Variants in RYR2 observed in about 807,000 individuals in gnomAD.
The protein encoded by RYR2 is cardiac muscle ryanodine receptor-calcium release channel.
RYR2 carries 227 observed loss-of-function variants against 601.1 expected under a neutral mutation model. The observed-to-expected ratio is 0.38, with a 90% CI of 0.34 to 0.42. RYR2 has a LOEUF of 0.42. Among genes scored for constraint, RYR2 ranks in the 10% least tolerant of loss-of-function variants. RYR2 has a pLI of 1.00. For synonymous variants in RYR2, 2,223 were observed against 2,175.1 expected, an observed-to-expected ratio of 1.02 and a Z score of -0.61; for missense variants, 4,646 against 6,156.5, an observed-to-expected ratio of 0.75 and a Z score of 8.21.
At chr1:237,467,914 G>A (rs12401458) in intron 16 of RYR2, among the ~76,000 whole-genome samples, 71,984 of 148,440 alleles carry the variant, frequency 0.48, 18,463 homozygotes, top group East Asian at 0.64. Context: ...ACTGGAGTGC[G>A]GTGGCACGAT....
Position 237,755,380 on chromosome 1 carries a change from G to A in RYR2, c.11146-908G>A, listed in dbSNP as rs527781446. Among the ~76,000 whole-genome samples, 27 of 152,194 alleles carry A rather than the reference G, an allele frequency of 1.8e-4. No individual in the cohort carries two copies. The South Asian group carries it at 2.7e-3, about 15-fold the overall frequency. On this transcript the variant is annotated intron_variant, in intron 80 of 104. Transcript: ENST00000366574. ...CTCTTAGGTCATATATGTTTTGGCC[G>A]TTGTGTTTATGGACATGATACTAAT... is the stretch of plus-strand genomic sequence containing the variant.
At chr1:237,298,707 A>G (rs1393938875) in intron 2 of RYR2, among the ~76,000 whole-genome samples, 1 of 152,148 alleles carries the variant, frequency 6.6e-6, no homozygotes, top group Non-Finnish European at 1.5e-5. Flanking sequence ...ATATTTTTTT[A>G]AAGATTTATT....
At chr1:237,379,267 T>A (rs1395133094) in intron 8 of RYR2, among the ~76,000 whole-genome samples, 1 of 152,170 alleles carries the variant, frequency 6.6e-6, no homozygotes, top group African/African-American at 2.4e-5. Flanking sequence ...CGTATCAGAG[T>A]TTATTTGACA....
intron 1 of RYR2, among the ~76,000 whole-genome samples, chr1:237,107,079 A>C (rs1668765267): frequency 6.6e-6 from 1 of 152,190 alleles, no homozygotes; most frequent in African/African-American, 2.4e-5. Context: ...AAAAGGCTGG[A>C]GGGCTAAAGA....
intron 91 of RYR2, 53 bp downstream of exon 91, chr1:237,786,089 CT>C: frequency 8.9e-7 from 1 of 1,119,598 alleles, no homozygotes; most frequent in Non-Finnish European, 1.3e-6. Flanking sequence ...CATTACATCT[CT>C]TTTTCTTGTA....
chr1:237,207,037 G>T (rs944957068), intron 1 of RYR2, among the ~76,000 whole-genome samples: 2 of 151,992 alleles, frequency 1.3e-5, no homozygotes, highest in Non-Finnish European at 2.9e-5. Context: ...GTGATGCTTG[G>T]CTGGGTGCAG....
intron 27 of RYR2, among the ~76,000 whole-genome samples, chr1:237,562,019 A>G (rs1199592692): frequency 6.6e-6 from 1 of 152,234 alleles, no homozygotes; most frequent in Non-Finnish European, 1.5e-5. Context: ...CATTTAAAAA[A>G]AAGTCAAGGG....
At chr1:237,044,529 C>A (rs781072076) in intron 1 of RYR2, among the ~76,000 whole-genome samples, 1 of 152,066 alleles carries the variant, frequency 6.6e-6, no homozygotes, top group Admixed American at 6.5e-5. Context: ...ATAAGTGGGT[C>A]CTGGGTAGAG....
intron 16 of RYR2, among the ~76,000 whole-genome samples, chr1:237,464,494 T>C (rs989125974): frequency 6.6e-6 from 1 of 151,908 alleles, no homozygotes; most frequent in Non-Finnish European, 1.5e-5. Context: ...TTTTTTCCTC[T>C]CCTGGGTCCA....
Position 237,123,650 on chromosome 1 carries a change from ATTTTTTTTTT to A in RYR2, c.48+81100_48+81109del, listed in dbSNP as rs869177997. Among the ~76,000 whole-genome samples the A allele has an allele frequency of 6.5e-4, 51 of 78,968 alleles. No homozygotes were observed. The South Asian group carries it at 0.013, about 19-fold the overall frequency. 51.8% of individuals were successfully genotyped at this position (78,968 alleles called of 152,430 possible). ...TTCTCCTTTGATCCTATCAGTCACT[ATTTTTTTTTT>A]TTTTTTTTTTTTTTTTTTGAGACGG... On this transcript the variant is annotated intron_variant, in intron 1 of 104. Coordinates refer to ENST00000366574, the MANE Select transcript of RYR2 (RefSeq NM_001035.3).
At chr1:237,795,850 G>A (rs9428382) in intron 96 of RYR2, among the ~76,000 whole-genome samples, 21,734 of 61,038 alleles carry the variant, frequency 0.36, 1,973 homozygotes, top group African/African-American at 0.43. Flanking sequence ...ATATATATAT[G>A]TATATGTATA....
intron 39 of RYR2, among the ~76,000 whole-genome samples, chr1:237,625,387 C>T (rs1679538483): frequency 6.6e-6 from 1 of 152,036 alleles, no homozygotes; most frequent in African/African-American, 2.4e-5. Flanking sequence ...ATCTTTGCCC[C>T]TAAGAGAGTC....
At chr1:237,543,604 C>T (rs1292949538) in intron 25 of RYR2, among the ~76,000 whole-genome samples, 1 of 152,178 alleles carries the variant, frequency 6.6e-6, no homozygotes, top group Non-Finnish European at 1.5e-5. Flanking sequence ...CTGAACTTGG[C>T]TGTAGCCTTT....
intron 91 of RYR2, among the ~76,000 whole-genome samples, chr1:237,787,056 A>G (rs903759856): frequency 2.0e-5 from 3 of 152,166 alleles, no homozygotes; most frequent in African/African-American, 7.2e-5. Context: ...AATACATATG[A>G]CTTCACTTTA....
intron 44 of RYR2, among the ~76,000 whole-genome samples, chr1:237,638,141 T>G (rs1326933197): frequency 6.6e-6 from 1 of 152,210 alleles, no homozygotes; most frequent in Non-Finnish European, 1.5e-5. Context: ...ATAAATATTT[T>G]TATTATGATG....
chr1:237,766,642 A>G (rs1693868568), intron 84 of RYR2, among the ~76,000 whole-genome samples: 1 of 152,218 alleles, frequency 6.6e-6, no homozygotes. Flanking sequence ...TGGATGAAAA[A>G]CAATAAGAAT....
intron 10 of RYR2, among the ~76,000 whole-genome samples, chr1:237,416,652 TATTAA>T (rs1419380134): frequency 2.0e-5 from 3 of 152,106 alleles, no homozygotes; most frequent in African/African-American, 7.2e-5. Context: ...AATAATGATA[TATTAA>T]ACTATACCTA....
chr1:237,642,335 A>C (rs1458840248), intron 47 of RYR2, among the ~76,000 whole-genome samples: 1 of 152,192 alleles, frequency 6.6e-6, no homozygotes, highest in Non-Finnish European at 1.5e-5. Flanking sequence ...TTTTTATAAA[A>C]ACTTAAACTT....
At chr1:237,772,349 T>C (rs1276537648) in intron 86 of RYR2, among the ~76,000 whole-genome samples, 1 of 152,216 alleles carries the variant, frequency 6.6e-6, no homozygotes, top group South Asian at 2.1e-4. Flanking sequence ...TTTAGCTTGA[T>C]GGTATTTTAA....
Sources: gnomAD v4.1 joint callset for allele counts (sites outside exome capture counted in the v4.1 genomes callset) on GRCh38, gnomAD v4.1.1 for gene constraint, MANE v1.5 for transcripts, NCBI Gene and HGNC (gene_info 2026-07-23, HGNC 2026-07-21) for gene names.